TBC1D32: variants seen among roughly 807,000 people sequenced by gnomAD.
The protein encoded by TBC1D32 is protein broad-minded.
In TBC1D32, 151 loss-of-function variants were observed where a neutral mutation model predicts 170.3. The ratio of observed to expected loss-of-function variants is 0.89; its 90% CI spans 0.78 to 1.01. TBC1D32 has a LOEUF of 1.01. Ranked by LOEUF, TBC1D32 falls within the 50% of genes least tolerant of loss-of-function variation. The probability of loss-of-function intolerance (pLI) is 0.00; values close to 1 mark genes in which losing one functional copy is unlikely to be tolerated. For synonymous variants in TBC1D32, 498 were observed against 488.0 expected (o/e 1.02, Z -0.27); for missense variants, 1,464 against 1,457.1 (o/e 1.00, Z -0.08).
intron 22 of TBC1D32, among the ~76,000 whole-genome samples, chr6:121,202,661 G>T (rs1450809981): frequency 1.3e-5 from 2 of 151,178 alleles, no homozygotes; most frequent in African/African-American, 4.9e-5. Context: ...TTCATTGTAA[G>T]ATGGGACATA....
At chr6:121,273,607 G>A (rs565419496) in intron 15 of TBC1D32, among the ~76,000 whole-genome samples, 72 of 150,688 alleles carry the variant, frequency 4.8e-4, no homozygotes, top group Non-Finnish European at 8.0e-4. Flanking sequence ...TGCACATTGT[G>A]CACATGTACC....
At chr6:121,092,466 G>A (rs976601507) in intron 30 of TBC1D32, among the ~76,000 whole-genome samples, 1 of 151,766 alleles carries the variant, frequency 6.6e-6, no homozygotes, top group Non-Finnish European at 1.5e-5. Flanking sequence ...GGTTCTAAAA[G>A]TTGTTTTTTA....
At chr6:121,233,081 T>A (rs1795938567) in intron 20 of TBC1D32, among the ~76,000 whole-genome samples, 1 of 152,150 alleles carries the variant, frequency 6.6e-6, no homozygotes, top group Non-Finnish European at 1.5e-5. Context: ...GTACCTGATA[T>A]AATTTTGATT....
At chr6:121,270,290 C>CA (rs200508782) in intron 15 of TBC1D32, among the ~76,000 whole-genome samples, 2,188 of 151,680 alleles carry the variant, frequency 0.014, 14 homozygotes, top group Middle Eastern at 0.034. Flanking sequence ...GATAGAGACA[C>CA]AAAAAAACCC....
chr6:121,206,077 A>G (rs1465938891), intron 21 of TBC1D32, among the ~76,000 whole-genome samples: 1 of 151,866 alleles, frequency 6.6e-6, no homozygotes, highest in Non-Finnish European at 1.5e-5. Flanking sequence ...AGGTGTGGTG[A>G]TGGGTGCCTG....
chr6:121,217,964 C>G (rs1794036456), intron 21 of TBC1D32, among the ~76,000 whole-genome samples: 1 of 152,098 alleles, frequency 6.6e-6, no homozygotes, highest in South Asian at 2.1e-4. Flanking sequence ...CTGAGAAAAA[C>G]AGGAAACAGA....
At chr6:121,108,957 A>T (rs960658284) in intron 29 of TBC1D32, among the ~76,000 whole-genome samples, 1 of 152,178 alleles carries the variant, frequency 6.6e-6, no homozygotes, top group African/African-American at 2.4e-5. Context: ...CAGATTTTTT[A>T]AAACTTTGAT....
intron 15 of TBC1D32, among the ~76,000 whole-genome samples, chr6:121,264,492 A>C (rs1800190806): frequency 6.6e-6 from 1 of 152,184 alleles, no homozygotes; most frequent in Non-Finnish European, 1.5e-5. Context: ...AGGTACCAAG[A>C]GGAGCTGGTA....
At chr6:121,106,190 TTTA>T in intron 29 of TBC1D32, 27 bp from the exon 30 acceptor site, 8 of 1,250,950 alleles carry the variant, frequency 6.4e-6, no homozygotes, top group Non-Finnish European at 8.3e-6. Context: ...AATTAAAAAT[TTTA>T]TTAATTTTAT....
chr6:121,302,250 G>A (rs1806601189), intron 9 of TBC1D32, among the ~76,000 whole-genome samples: 1 of 152,070 alleles, frequency 6.6e-6, no homozygotes, highest in Non-Finnish European at 1.5e-5. Flanking sequence ...ATTATGTATA[G>A]ATGCTCTGGA....
intron 21 of TBC1D32, among the ~76,000 whole-genome samples, chr6:121,221,353 T>C (rs1794494655): frequency 6.6e-6 from 1 of 152,240 alleles, no homozygotes; most frequent in Non-Finnish European, 1.5e-5. Flanking sequence ...AGGAGATTAA[T>C]ATTGTTTTTG....
intron 22 of TBC1D32, among the ~76,000 whole-genome samples, chr6:121,178,121 A>G (rs192416966): frequency 2.6e-5 from 4 of 152,236 alleles, no homozygotes; most frequent in Non-Finnish European, 5.9e-5. Flanking sequence ...ATCACATCTC[A>G]TAAGAACTCA....
At chr6:121,185,229 T>TACA (rs1789036655) in intron 22 of TBC1D32, among the ~76,000 whole-genome samples, 1 of 152,032 alleles carries the variant, frequency 6.6e-6, no homozygotes, top group East Asian at 1.9e-4. Context: ...TAATATATGA[T>TACA]ACAACCTATA....
intron 1 of TBC1D32, among the ~76,000 whole-genome samples, chr6:121,331,280 C>T (rs113341444): frequency 0.014 from 2,192 of 152,268 alleles, 13 homozygotes; most frequent in Middle Eastern, 0.034. Flanking sequence ...ACGATCTCGG[C>T]TCACTGCAAC....
At position 121,100,303 on chromosome 6, in the gene TBC1D32, T is replaced by C. The variant is rs140502782; in HGVS notation, c.3465+5720A>G. Reference sequence around the variant, plus strand: ...TAGGTCCGATTGGTGCAGAGCTGAGTTCAATTCCTGGATATCCTTTTTAAC... The same window carrying C: ...TAGGTCCGATTGGTGCAGAGCTGAGCTCAATTCCTGGATATCCTTTTTAAC... On this transcript the variant is annotated intron_variant, in intron 30 of 31. Coordinates refer to ENST00000398212, the MANE Select transcript of TBC1D32 (RefSeq NM_152730.6). Among the ~76,000 whole-genome samples, 1,307 of 152,074 alleles carry C rather than the reference T, an allele frequency of 8.6e-3. 9 individuals carry two copies. Among genetic ancestry groups the C allele is most frequent in the South Asian group, 0.04 (193 of 4,816 alleles).
rs758161730 is a variant in TBC1D32 at position 121,205,092 on chromosome 6, T to C, written c.2553A>G (p.Ser851=). Residue 851 remains serine, a synonymous_variant, in exon 22 of 32, where the codon TCA becomes TCG. Coordinates refer to ENST00000398212, the MANE Select transcript of TBC1D32 (RefSeq NM_152730.6). ...CATTTTACCTTAGACCAAAGATATG[T>C]GATTGTTCATAGTTGAATAAAGAAC... is the stretch of plus-strand genomic sequence containing the variant. ...KIRSLFNYEQ[S]HIFGLRDFII... 1.3e-6 allele frequency: 2 copies of C among 1,520,976 alleles called. No individual in the cohort carries two copies. The highest frequency in any genetic ancestry group is 1.7e-4 in the Middle Eastern group (1 of 5,818). The allele number at this position is 1,520,976 out of a possible 1,614,324, so 94.2% of individuals were successfully genotyped here.
intron 21 of TBC1D32, among the ~76,000 whole-genome samples, chr6:121,218,787 C>T (rs1270983564): frequency 6.6e-6 from 1 of 151,972 alleles, no homozygotes; most frequent in Admixed American, 6.6e-5. Context: ...GGCAGTTACC[C>T]CCATGCTGTT....
intron 21 of TBC1D32, among the ~76,000 whole-genome samples, chr6:121,220,640 C>CTTTTT (rs923251281): frequency 5.5e-5 from 7 of 126,208 alleles, no homozygotes; most frequent in Admixed American, 8.3e-5. Context: ...TTTTCTTTTT[C>CTTTTT]TTTTTTTTTT....
At chr6:121,139,553 A>C (rs1782538230) in intron 24 of TBC1D32, among the ~76,000 whole-genome samples, 1 of 152,198 alleles carries the variant, frequency 6.6e-6, no homozygotes, top group African/African-American at 2.4e-5. Flanking sequence ...TATATCCAAT[A>C]AGAACAAGAA....
Sources: allele counts gnomAD v4.1 joint callset (sites outside exome capture counted in the v4.1 genomes callset), GRCh38; gene constraint gnomAD v4.1.1; transcripts MANE v1.5; gene names NCBI Gene and HGNC (gene_info 2026-07-23, HGNC 2026-07-21).